The following GALC variants were observed in gnomAD, a reference collection of about 807,000 sequenced individuals.
GALC encodes the protein galactocerebrosidase.
In GALC, 77 loss-of-function variants were observed where a neutral mutation model predicts 91.8. That is an observed-to-expected ratio of 0.84 (90% CI 0.70 to 1.01). The LOEUF is 1.01. GALC is among the 50% of genes least tolerant of loss of function. The pLI is 0.00. For synonymous variants in GALC, 357 were observed against 306.7 expected (o/e 1.16, Z -1.71); for missense variants, 882 against 855.9 (o/e 1.03, Z -0.38).
At chr14:87,946,467 T>A (rs189634388) in intron 13 of GALC, among the ~76,000 whole-genome samples, 285 of 152,014 alleles carry the variant, frequency 1.9e-3, no homozygotes, top group African/African-American at 6.8e-3. Context: ...TTGAGACATT[T>A]AGAACCCTAA....
rs1455645171 is a variant in GALC, at chr14:87,943,247, G to A, written c.1671-1689C>T. Among the ~76,000 whole-genome samples the A allele has an allele frequency of 2.0e-5, 3 of 151,978 alleles. No individual in the cohort carries two copies. The East Asian group carries it at 5.8e-4, about 29-fold the overall frequency. ...TCCAAGAGAGTTCATCTGTGTGCAG[G>A]GAAAGGTAATTTTGTGATTGTCTTT... On this transcript the variant is annotated intron_variant, in intron 14 of 16. Coordinates refer to ENST00000261304, the MANE Select transcript of GALC (RefSeq NM_000153.4).
At chr14:87,965,015 C>T (rs1885973228) in intron 9 of GALC, among the ~76,000 whole-genome samples, 1 of 152,144 alleles carries the variant, frequency 6.6e-6, no homozygotes, top group African/African-American at 2.4e-5. Context: ...AGCCATATTT[C>T]ACATAACTTT....
In GALC at chr14:87,986,540, A is replaced by G. The variant is rs746507078; in HGVS notation, c.391T>C (p.Trp131Arg). 2.7e-5 allele frequency: 43 copies of G among 1,613,302 alleles called. No individual in the cohort carries two copies. The highest frequency in any genetic ancestry group is 3.6e-5 in the Non-Finnish European group (43 of 1,179,610). The change falls in exon 4 of 17, where the codon TGG becomes CGG. Residue 131 changes from tryptophan to arginine, a missense_variant. Transcript: ENST00000261304. ...LDENYFRGYE[W>R]WLMKEAKKRN... ...TTCTTAGCTTCTTTCATCAACCACC[A>G]CTCGTATCCTCGGAAATAATTCTCA...
chr14:87,969,452 T>C (rs1418643915), intron 7 of GALC, among the ~76,000 whole-genome samples: 1 of 152,170 alleles, frequency 6.6e-6, no homozygotes, highest in Admixed American at 6.5e-5. Context: ...AATACTCCCA[T>C]AATGATGATT....
chr14:87,934,567 C>T lies in GALC; in HGVS notation c.*165G>A. ...CCCTTGGAATTAATTCTAATAAAATCTTCCACAGGGTAAATTAAAAATAAA... is the reference window on the plus strand; with the variant it reads ...CCCTTGGAATTAATTCTAATAAAATTTTCCACAGGGTAAATTAAAAATAAA... On this transcript the variant is annotated 3_prime_UTR_variant, in exon 17 of 17. Coordinates refer to ENST00000261304, the MANE Select transcript of GALC (RefSeq NM_000153.4). 1 of 1,478,624 alleles carries T rather than the reference C, an allele frequency of 6.8e-7. No homozygotes were observed. Among genetic ancestry groups the T allele is most frequent in the African/African-American group, 1.4e-5 (1 of 70,640 alleles). The allele number at this position is 1,478,624 out of a possible 1,614,324, so 91.6% of individuals were successfully genotyped here. A position where few individuals can be genotyped will look rare whatever the true frequency, so the allele number is the denominator to read the frequency against.
chr14:87,982,623 C>T (rs568078747), intron 5 of GALC, among the ~76,000 whole-genome samples: 18 of 152,056 alleles, frequency 1.2e-4, no homozygotes, highest in Non-Finnish European at 2.1e-4. Context: ...TGACAAGATC[C>T]CTGAAAGCCA....
intron 8 of GALC, among the ~76,000 whole-genome samples, chr14:87,965,985 T>C (rs1194798922): frequency 6.6e-6 from 1 of 152,170 alleles, no homozygotes; most frequent in Non-Finnish European, 1.5e-5. Context: ...GCATACCTAC[T>C]TTCCTTTCAA....
chr14:87,991,854 GAT>G (rs1887213760), intron 1 of GALC, among the ~76,000 whole-genome samples: 1 of 152,082 alleles, frequency 6.6e-6, no homozygotes, highest in Non-Finnish European at 1.5e-5. Flanking sequence ...TCTTACCCTA[GAT>G]ATAGTATCAC....
intron 16 of GALC, among the ~76,000 whole-genome samples, chr14:87,937,424 C>T (rs915477843): frequency 2.5e-4 from 38 of 151,924 alleles, no homozygotes; most frequent in Non-Finnish European, 5.0e-4. Context: ...AGAAGACCCT[C>T]AGAGTATGTG....
At chr14:87,937,482 A>T (rs1202675878) in intron 16 of GALC, among the ~76,000 whole-genome samples, 1 of 151,958 alleles carries the variant, frequency 6.6e-6, no homozygotes, top group African/African-American at 2.4e-5. Context: ...AGTTGATGAA[A>T]CACAAAATAA....
chr14:87,941,348 C>T (rs1219673057), intron 15 of GALC, 47 bp downstream of exon 15: 2 of 1,185,698 alleles, frequency 1.7e-6, no homozygotes, highest in Non-Finnish European at 2.5e-6. Flanking sequence ...CTCAAAGTAA[C>T]ATAGCCCATA....
intron 14 of GALC, 32 bp downstream of exon 14, chr14:87,945,521 A>G (rs751522633): frequency 2.0e-6 from 3 of 1,475,296 alleles, no homozygotes; most frequent in Non-Finnish European, 2.8e-6. Context: ...AGGGTATTTC[A>G]GCCAGATCCA....
rs773666802 is a variant in GALC, at chr14:87,976,402, G to A, written c.708C>T (p.Ser236=). The change falls in exon 7 of 17, where the codon TCC becomes TCT. Residue 236 remains serine, a synonymous_variant. Transcript: ENST00000261304. ...SDNLWESISA[S]MLLDAELFKV... ...TGAAGAGTTCGGCATCAAGGAGCAT[G>A]GATGCAGAGATGGACTCCCAGAGAT... 44 of 1,613,704 alleles carry A rather than the reference G, an allele frequency of 2.7e-5. No homozygotes were observed. The Admixed American group carries it at 4.8e-4, about 18-fold the overall frequency.
At chr14:87,949,080 G>T (rs566088182) in intron 12 of GALC, among the ~76,000 whole-genome samples, 2 of 151,890 alleles carry the variant, frequency 1.3e-5, no homozygotes, top group Admixed American at 1.3e-4. Context: ...CATGGCCCTA[G>T]GTGAATATGA....
intron 10 of GALC, among the ~76,000 whole-genome samples, chr14:87,957,035 T>A (rs1885588650): frequency 6.6e-6 from 1 of 152,106 alleles, no homozygotes; most frequent in Non-Finnish European, 1.5e-5. Context: ...GCATTTTTTT[T>A]AACTGTTTTT....
At chr14:87,980,971 T>A (rs1323749730) in intron 6 of GALC, among the ~76,000 whole-genome samples, 1 of 152,238 alleles carries the variant, frequency 6.6e-6, no homozygotes, top group African/African-American at 2.4e-5. Context: ...TGTGCAAGTA[T>A]CTTTTTTGTA....
At chr14:87,989,247 G>A (rs1250592207) in intron 1 of GALC, among the ~76,000 whole-genome samples, 2 of 152,194 alleles carry the variant, frequency 1.3e-5, no homozygotes, top group Non-Finnish European at 2.9e-5. Context: ...AAACCAGACA[G>A]TCCTAGGTTC....
chr14:87,945,374 A>G lies in GALC; in HGVS notation c.1670+179T>C, dbSNP rs538667931. On this transcript the variant is annotated intron_variant, in intron 14 of 16. Transcript: ENST00000261304. ...AATGAGGGAAGGACACTGGGGCAGC[A>G]AAACAATTTGCAGCTTTGTGGTCAT... is the stretch of plus-strand genomic sequence containing the variant. Among the ~76,000 whole-genome samples, 7 of 152,212 alleles carry G rather than the reference A, an allele frequency of 4.6e-5. No individual in the cohort carries two copies. The East Asian group carries it at 1.2e-3, about 25-fold the overall frequency.
intron 14 of GALC, among the ~76,000 whole-genome samples, chr14:87,944,556 C>T (rs1372632941): frequency 6.6e-6 from 1 of 151,992 alleles, no homozygotes; most frequent in Admixed American, 6.6e-5. Context: ...TGCGTAAAAA[C>T]ACAAGCCACA....
Sources: allele counts gnomAD v4.1 joint callset (sites outside exome capture counted in the v4.1 genomes callset), GRCh38; gene constraint gnomAD v4.1.1; transcripts MANE v1.5; gene names NCBI Gene and HGNC (gene_info 2026-07-23, HGNC 2026-07-21).